Variants in F13A1 observed in about 807,000 individuals in gnomAD.
F13A1 encodes the protein coagulation factor XIII A chain, also known as FSF, A subunit.
F13A1 carries 47 observed loss-of-function variants against 80.1 expected under a neutral mutation model. The observed-to-expected ratio is 0.59, with a 90% CI of 0.46 to 0.75. The LOEUF (loss-of-function observed/expected upper bound fraction) is 0.75, where lower values mean the gene tolerates loss of function less well. Ranked by LOEUF, F13A1 falls within the 30% of genes least tolerant of loss-of-function variation. The pLI is 0.00. For synonymous variants in F13A1, 349 were observed against 344.9 expected (o/e 1.01, Z -0.13); for missense variants, 817 against 930.4 (o/e 0.88, Z 1.59).
At chr6:6,190,548 T>C (rs1761169361) in intron 10 of F13A1, among the ~76,000 whole-genome samples, 1 of 151,094 alleles carries the variant, frequency 6.6e-6, no homozygotes, top group African/African-American at 2.4e-5. Flanking sequence ...GGGTCAGGGG[T>C]CAGGGACCCA....
At chr6:6,276,913 A>G (rs1757996094) in intron 3 of F13A1, among the ~76,000 whole-genome samples, 1 of 152,174 alleles carries the variant, frequency 6.6e-6, no homozygotes, top group African/African-American at 2.4e-5. Flanking sequence ...TGTGAGAACT[A>G]AAAGTAAAAT....
At chr6:6,236,570 C>T (rs1004214643) in intron 6 of F13A1, among the ~76,000 whole-genome samples, 50 of 151,962 alleles carry the variant, frequency 3.3e-4, no homozygotes, top group Non-Finnish European at 5.9e-4. Context: ...TGTATAGTTA[C>T]TATTTCTTTC....
chr6:6,184,037 C>A (rs1301579060), intron 10 of F13A1, among the ~76,000 whole-genome samples: 1 of 152,182 alleles, frequency 6.6e-6, no homozygotes. Context: ...AGCAATTTTA[C>A]TTTCTCACAG....
chr6:6,264,830 A>G (rs544700726), intron 4 of F13A1, among the ~76,000 whole-genome samples: 1 of 152,238 alleles, frequency 6.6e-6, no homozygotes, highest in Non-Finnish European at 1.5e-5. Flanking sequence ...CACATGGCCC[A>G]GTTAACATTT....
At position 6,145,627 on chromosome 6, in the gene F13A1, A is replaced by G; in HGVS notation, c.2191T>C (p.Ser731Pro). 6.2e-7 allele frequency: 1 copy of G among 1,614,152 alleles called. No homozygotes were observed. Among genetic ancestry groups the G allele is most frequent in the Non-Finnish European group, 8.5e-7 (1 of 1,179,994 alleles). ...CTCAGCTTCCTGTGCATTCACATGG[A>G]AGGTCGTCTTTGAATCTGCACGTCC... The part of the protein sequence containing the change: ...ELDVQIQRRP[S>P]M The change falls in exon 15 of 15, where the codon TCC (serine) becomes CCC (proline). Residue 731 changes from serine to proline, a missense_variant. By Grantham distance (74) the Ser-to-Pro change is moderately conservative (BLOSUM62 -1). Transcript: ENST00000264870.
chr6:6,309,939 C>A (rs923662681), intron 2 of F13A1, among the ~76,000 whole-genome samples: 1 of 152,202 alleles, frequency 6.6e-6, no homozygotes, highest in African/African-American at 2.4e-5. Flanking sequence ...CCAAGCAGCT[C>A]TACCTACAAG....
rs1761277910 is a variant in F13A1 at position 6,195,742 on chromosome 6, C to T, written c.1305+55G>A. 2.0e-6 allele frequency: 3 copies of T among 1,498,756 alleles called. No individual in the cohort carries two copies. In the South Asian group the frequency reaches 3.5e-5, roughly 17 times the overall value. 92.8% of individuals were successfully genotyped at this position (1,498,756 alleles called of 1,614,324 possible). On this transcript the variant is annotated intron_variant, in intron 10 of 14. Transcript: ENST00000264870. ...AACAACAACTTTTAGCTTACTCTTT[C>T]ATGTGTTAAGAGGTTGGGGAGAAAA...
chr6:6,313,647 T>C (rs1758638635), intron 2 of F13A1, among the ~76,000 whole-genome samples: 1 of 149,532 alleles, frequency 6.7e-6, no homozygotes, highest in Non-Finnish European at 1.5e-5. Flanking sequence ...TATTGAACTA[T>C]AAGCATAAAT....
intron 6 of F13A1, among the ~76,000 whole-genome samples, chr6:6,242,934 C>T (rs1295303271): frequency 6.6e-6 from 1 of 152,138 alleles, no homozygotes; most frequent in Non-Finnish European, 1.5e-5. Context: ...ACAGAATTTG[C>T]CATGCTGAGC....
chr6:6,203,116 CAG>C (rs1260046808), intron 8 of F13A1, among the ~76,000 whole-genome samples: 38 of 152,318 alleles, frequency 2.5e-4, no homozygotes, highest in African/African-American at 8.2e-4. Context: ...TATTTTGAAA[CAG>C]AATAGAATGC....
intron 12 of F13A1, among the ~76,000 whole-genome samples, chr6:6,169,929 C>A (rs1363452065): frequency 3.9e-5 from 6 of 152,196 alleles, no homozygotes; most frequent in Admixed American, 3.9e-4. Flanking sequence ...AAAGCTATGA[C>A]CTTGCCTTGA....
At chr6:6,302,813 C>T (rs1303869825) in intron 3 of F13A1, among the ~76,000 whole-genome samples, 1 of 152,222 alleles carries the variant, frequency 6.6e-6, no homozygotes, top group Non-Finnish European at 1.5e-5. Context: ...CATGATCTGT[C>T]ATTGACTGAA....
intron 3 of F13A1, among the ~76,000 whole-genome samples, chr6:6,296,820 G>A (rs1453434452): frequency 1.1e-4 from 16 of 147,428 alleles, no homozygotes; most frequent in African/African-American, 3.4e-4. Flanking sequence ...TCCCTGTCTT[G>A]TGCCAGTTTT....
intron 4 of F13A1, among the ~76,000 whole-genome samples, chr6:6,265,890 A>C (rs1356610978): frequency 6.6e-6 from 1 of 152,232 alleles, no homozygotes; most frequent in Non-Finnish European, 1.5e-5. Context: ...CAATTTGTTT[A>C]CAGAGTAATA....
chr6:6,227,031 T>C (rs760681328), intron 6 of F13A1, among the ~76,000 whole-genome samples: 7 of 148,560 alleles, frequency 4.7e-5, no homozygotes, highest in Non-Finnish European at 9.1e-5. Context: ...TGAAACAATA[T>C]GGCAGGCTCT....
At chr6:6,183,732 G>C (rs974843893) in intron 10 of F13A1, among the ~76,000 whole-genome samples, 15 of 152,194 alleles carry the variant, frequency 9.9e-5, no homozygotes. Context: ...GTGAAACCTA[G>C]ATGGCATTTG....
intron 14 of F13A1, among the ~76,000 whole-genome samples, chr6:6,148,358 C>T (rs1760320324): frequency 6.6e-6 from 1 of 152,132 alleles, no homozygotes; most frequent in African/African-American, 2.4e-5. Context: ...GGCTCCAATT[C>T]CCTGTTTACC....
chr6:6,245,522 C>A (rs1319351239), intron 6 of F13A1, among the ~76,000 whole-genome samples: 1 of 152,212 alleles, frequency 6.6e-6, no homozygotes, highest in African/African-American at 2.4e-5. Context: ...CCGTTCCTGG[C>A]CCAAATTCAG....
chr6:6,158,918 T>TC (rs1561638069), intron 13 of F13A1, among the ~76,000 whole-genome samples: 3 of 146,796 alleles, frequency 2.0e-5, no homozygotes, highest in Admixed American at 6.8e-5. Context: ...TTTTTTTTTT[T>TC]CGAGACGGAG....
Sources: gnomAD v4.1 joint callset for allele counts (sites outside exome capture counted in the v4.1 genomes callset) on GRCh38, gnomAD v4.1.1 for gene constraint, MANE v1.5 for transcripts, NCBI Gene and HGNC (gene_info 2026-07-23, HGNC 2026-07-21) for gene names.